CDK14: variants seen among roughly 807,000 people sequenced by gnomAD.
The protein encoded by CDK14 is cyclin-dependent kinase 14.
Under a neutral mutation model 60.7 loss-of-function variants are expected in CDK14, and 34 were observed. The observed-to-expected ratio is 0.56, with a 90% CI of 0.43 to 0.75. The LOEUF is 0.75. Ranked by LOEUF, CDK14 falls within the 30% of genes least tolerant of loss-of-function variation. CDK14 has a pLI of 0.00. For missense variants in CDK14, 482 were observed against 564.1 expected, an observed-to-expected ratio of 0.85 and a Z score of 1.47; for synonymous variants, 197 against 203.7, an observed-to-expected ratio of 0.97 and a Z score of 0.28.
intron 7 of CDK14, among the ~76,000 whole-genome samples, chr7:90,907,112 G>A (rs1295845442): frequency 1.3e-5 from 2 of 151,958 alleles, no homozygotes; most frequent in Non-Finnish European, 2.9e-5. Flanking sequence ...TGAGGACATT[G>A]GCCCTGTTAT....
intron 4 of CDK14, among the ~76,000 whole-genome samples, chr7:90,753,834 C>A (rs752861639): frequency 1.4e-4 from 22 of 152,138 alleles, no homozygotes; most frequent in Non-Finnish European, 2.6e-4. Context: ...TATACACCAG[C>A]AGCATTCAAG....
intron 10 of CDK14, among the ~76,000 whole-genome samples, chr7:90,999,723 C>T (rs1330271586): frequency 6.6e-6 from 1 of 152,138 alleles, no homozygotes; most frequent in Non-Finnish European, 1.5e-5. Flanking sequence ...CTTATTTGAG[C>T]AGAGCTGTGT....
chr7:91,135,479 G>A (rs1271711768), intron 14 of CDK14, among the ~76,000 whole-genome samples: 1 of 152,162 alleles, frequency 6.6e-6, no homozygotes, highest in African/African-American at 2.4e-5. Context: ...CTGCAAGGGT[G>A]AGCCCGACAG....
intron 14 of CDK14, among the ~76,000 whole-genome samples, chr7:91,149,977 G>A (rs560983077): frequency 6.6e-6 from 1 of 152,332 alleles, no homozygotes; most frequent in East Asian, 1.9e-4. Flanking sequence ...AGCCCTGGTA[G>A]CAGGAGATGA....
intron 10 of CDK14, among the ~76,000 whole-genome samples, chr7:91,035,866 T>G (rs1461126359): frequency 8.0e-6 from 1 of 124,510 alleles, no homozygotes; most frequent in Non-Finnish European, 1.6e-5. Context: ...AGACGGAGTC[T>G]CGCTCTGTCG....
rs185985613 is a variant in CDK14 at position 90,912,653 on chromosome 7, G to T, written c.703-4948G>T. ...GGCAGAGTCTCACTTGGTCGCTCAG[G>T]CTGGAATGCAGTGGTGTGATCTCAG... On this transcript the variant is annotated intron_variant, in intron 7 of 14. Transcript: ENST00000380050. Among the ~76,000 whole-genome samples, 8 of 152,242 alleles carry T rather than the reference G, an allele frequency of 5.3e-5. No homozygotes were observed. The East Asian group carries it at 1.4e-3, about 26-fold the overall frequency.
intron 2 of CDK14, among the ~76,000 whole-genome samples, chr7:90,719,648 A>G (rs1802373396): frequency 1.3e-5 from 2 of 152,210 alleles, no homozygotes; most frequent in African/African-American, 4.8e-5. Context: ...ATCGCTTCAG[A>G]TGAATATCCA....
At chr7:90,842,450 C>A (rs1010790281) in intron 5 of CDK14, among the ~76,000 whole-genome samples, 2 of 151,976 alleles carry the variant, frequency 1.3e-5, no homozygotes, top group African/African-American at 4.8e-5. Flanking sequence ...GGTACTGCAG[C>A]CTAGGAAAAT....
At chr7:90,875,538 T>A (rs930236694) in intron 6 of CDK14, among the ~76,000 whole-genome samples, 6 of 152,188 alleles carry the variant, frequency 3.9e-5, no homozygotes, top group African/African-American at 7.2e-5. Context: ...CTTTTTTTTT[T>A]ATTATATTGG....
At chr7:90,940,289 CCT>C (rs113922638) in intron 8 of CDK14, among the ~76,000 whole-genome samples, 10 of 152,114 alleles carry the variant, frequency 6.6e-5, no homozygotes, top group Non-Finnish European at 1.0e-4. Context: ...TAATATGCCC[CCT>C]GTTATTTATT....
At chr7:90,932,491 T>C (rs891464959) in intron 8 of CDK14, among the ~76,000 whole-genome samples, 3 of 152,226 alleles carry the variant, frequency 2.0e-5, no homozygotes, top group Non-Finnish European at 4.4e-5. Context: ...AGAATCTCAA[T>C]GTTCATTAGC....
At chr7:90,746,025 A>G (rs1284403451) in intron 3 of CDK14, among the ~76,000 whole-genome samples, 1 of 152,126 alleles carries the variant, frequency 6.6e-6, no homozygotes, top group East Asian at 1.9e-4. Flanking sequence ...TCCTGTGCAG[A>G]TGCCTCCACA....
chr7:90,873,129 G>A (rs1391479109), intron 6 of CDK14, among the ~76,000 whole-genome samples: 2 of 152,066 alleles, frequency 1.3e-5, no homozygotes, highest in Non-Finnish European at 2.9e-5. Context: ...GATTCAGGGG[G>A]TGGGTGGAGG....
intron 2 of CDK14, among the ~76,000 whole-genome samples, chr7:90,648,056 G>A (rs1022472977): frequency 3.3e-5 from 5 of 152,110 alleles, no homozygotes; most frequent in Non-Finnish European, 7.4e-5. Context: ...TAAACTTCAT[G>A]CCTTAGTGCC....
At chr7:90,730,929 A>G (rs961550888) in intron 3 of CDK14, among the ~76,000 whole-genome samples, 1 of 152,004 alleles carries the variant, frequency 6.6e-6, no homozygotes, top group African/African-American at 2.4e-5. Flanking sequence ...GTCTTTGCCC[A>G]TGCCTGTGTC....
chr7:90,777,921 C>T (rs1805118240), intron 4 of CDK14, among the ~76,000 whole-genome samples: 1 of 152,230 alleles, frequency 6.6e-6, no homozygotes, highest in Non-Finnish European at 1.5e-5. Flanking sequence ...GTGTGCCCCA[C>T]ACTGTCCCTT....
intron 14 of CDK14, among the ~76,000 whole-genome samples, chr7:91,175,738 C>G (rs1482715302): frequency 5.4e-5 from 8 of 149,220 alleles, no homozygotes; most frequent in East Asian, 3.9e-4. Flanking sequence ...GTAAAGGGAT[C>G]AATTCAACAA....
intron 5 of CDK14, among the ~76,000 whole-genome samples, chr7:90,851,807 T>G (rs904878496): frequency 6.6e-6 from 1 of 152,082 alleles, no homozygotes; most frequent in African/African-American, 2.4e-5. Context: ...AATTTGAAGT[T>G]ACCTTGCTAA....
chr7:90,623,516 T>C (rs1199472055), intron 2 of CDK14, among the ~76,000 whole-genome samples: 1 of 152,230 alleles, frequency 6.6e-6, no homozygotes, highest in Non-Finnish European at 1.5e-5. Context: ...AAGGAAAACC[T>C]GAAGTGTTCT....
Sources: allele counts gnomAD v4.1 joint callset (sites outside exome capture counted in the v4.1 genomes callset), GRCh38; gene constraint gnomAD v4.1.1; transcripts MANE v1.5; gene names NCBI Gene and HGNC (gene_info 2026-07-23, HGNC 2026-07-21).